Variants in RTKN2 observed in about 807,000 individuals in gnomAD.
The protein encoded by RTKN2 is rhotekin-2.
Under a neutral mutation model 71.5 loss-of-function variants are expected in RTKN2, and 69 were observed. The ratio of observed to expected loss-of-function variants is 0.96; its 90% CI spans 0.79 to 1.18. The LOEUF is 1.18. Among genes scored for constraint, RTKN2 ranks in the 50% most tolerant of loss-of-function variants. The pLI is 0.00. For synonymous variants in RTKN2, 236 were observed against 236.5 expected, an observed-to-expected ratio of 1.00 and a Z score of 0.02; for missense variants, 724 against 719.7, an observed-to-expected ratio of 1.01 and a Z score of -0.07.
chr10:62,218,091 AG>A, intron 8 of RTKN2, 103 bp downstream of exon 8: 1 of 716,392 alleles, frequency 1.4e-6, no homozygotes, highest in Non-Finnish European at 2.3e-6. Context: ...ATTTAAAAAA[AG>A]ACTTAAAAAA....
rs1841338029 is a variant in RTKN2, at chr10:62,196,655, C to T, written c.*1253G>A. On this transcript the variant is annotated 3_prime_UTR_variant, in exon 12 of 12. Transcript: ENST00000373789. ...TTATACACAGGGCAGCAATTTAATT[C>T]TTAAATTTTTATTTCTTGCAATGAC... The T allele has an allele frequency of 2.0e-6, 2 of 984,598 alleles. No homozygotes were observed. The highest frequency in any genetic ancestry group is 1.2e-6 in the Non-Finnish European group (1 of 829,362). The allele number at this position is 984,598 out of a possible 1,614,324, so 61.0% of individuals were successfully genotyped here.
At chr10:62,184,413 A>G (rs1488740557) in intron 8 of RTKN2, 15 of 1,342,794 alleles carry the variant, frequency 1.1e-5, no homozygotes, top group Non-Finnish European at 1.6e-5. Flanking sequence ...AATCACCTTT[A>G]GTCACCCACA....
At chr10:62,211,924 A>T (rs2132858112) in intron 9 of RTKN2, among the ~76,000 whole-genome samples, 1 of 152,230 alleles carries the variant, frequency 6.6e-6, no homozygotes, top group East Asian at 1.9e-4. Flanking sequence ...CTGACCTCCC[A>T]AAGTGCTGGG....
Position 62,199,848 on chromosome 10 carries a change from G to C in RTKN2, c.1200C>G (p.His400Gln), listed in dbSNP as rs773342377. 11 of 1,610,642 alleles carry C rather than the reference G, an allele frequency of 6.8e-6. No homozygotes were observed. The South Asian group carries it at 1.2e-4, about 18-fold the overall frequency. Reference protein sequence around the residue: ...QHFFDLSQWKHCCEELMKIEI... With the variant: ...QHFFDLSQWKQCCEELMKIEI... ...CAATTTTCATAAGTTCTTCACAACA[G>C]TGCTTCCATTGGCCTAAGACAGACA... Residue 400 changes from histidine (H) to glutamine (Q), a missense_variant, in exon 11 of 12, where the codon CAC (histidine) becomes CAG (glutamine). His to Gln is a conservative substitution (Grantham distance 24). Coordinates refer to ENST00000373789, the MANE Select transcript of RTKN2 (RefSeq NM_145307.4).
At chr10:62,205,056 G>A (rs764763816) in intron 9 of RTKN2, 34 bp from the exon 10 acceptor site, 73 of 1,538,562 alleles carry the variant, frequency 4.7e-5, no homozygotes, top group Non-Finnish European at 5.9e-5. Context: ...GGTTTTGCAT[G>A]AGAAAATTTC....
chr10:62,250,427 C>T (rs974496100), intron 2 of RTKN2, among the ~76,000 whole-genome samples: 1 of 152,142 alleles, frequency 6.6e-6, no homozygotes, highest in Non-Finnish European at 1.5e-5. Context: ...AATTAACCAA[C>T]CAGCATCCCA....
chr10:62,206,567 C>T (rs1841553354), intron 9 of RTKN2, among the ~76,000 whole-genome samples: 1 of 152,018 alleles, frequency 6.6e-6, no homozygotes, highest in South Asian at 2.1e-4. Flanking sequence ...AACTTTGAAC[C>T]TTTAGAGTAT....
intron 11 of RTKN2, among the ~76,000 whole-genome samples, chr10:62,199,112 T>C (rs992006156): frequency 3.3e-5 from 5 of 152,220 alleles, no homozygotes; most frequent in African/African-American, 4.8e-5. Flanking sequence ...TGAACCCAAA[T>C]GTATCATTTT....
intron 2 of RTKN2, among the ~76,000 whole-genome samples, chr10:62,251,113 T>C (rs1842572880): frequency 6.6e-6 from 1 of 152,212 alleles, no homozygotes; most frequent in Non-Finnish European, 1.5e-5. Flanking sequence ...ACAGTGCTTG[T>C]GCTCAAGGTC....
intron 1 of RTKN2, among the ~76,000 whole-genome samples, chr10:62,264,765 G>T (rs750833290): frequency 6.6e-6 from 1 of 152,096 alleles, no homozygotes; most frequent in Admixed American, 6.5e-5. Flanking sequence ...AGAGAGGAAG[G>T]GCCTTATAGA....
chr10:62,240,776 T>C (rs1842357426), intron 4 of RTKN2, among the ~76,000 whole-genome samples: 1 of 152,174 alleles, frequency 6.6e-6, no homozygotes. Context: ...CCTGAAGTAA[T>C]GAAATAAGGC....
downstream of RTKN2, among the ~76,000 whole-genome samples, chr10:62,190,658 T>G (rs1841207368): frequency 6.6e-6 from 1 of 152,068 alleles, no homozygotes; most frequent in South Asian, 2.1e-4. Flanking sequence ...TGTTTAATGT[T>G]AATAAGGAAG....
At position 62,209,386 on chromosome 10, in the gene RTKN2, GGTGT is replaced by G. The variant is rs67801429; in HGVS notation, c.1021-4368_1021-4365del. Reference sequence around the variant, plus strand: ...TTTCTTCAGCAAATAAATTGTCTATGGTGTGTGTGTGTGTGTGTTTGAAGTGGGG... The same window carrying G: ...TTTCTTCAGCAAATAAATTGTCTATGGTGTGTGTGTGTGTTTGAAGTGGGG... On this transcript the variant is annotated intron_variant, in intron 9 of 11. Transcript: ENST00000373789. 2.3e-4 allele frequency among the ~76,000 whole-genome samples: 34 copies of G among 151,052 alleles called. 1 individual carries two copies. In the South Asian group the frequency reaches 6.1e-3, roughly 27 times the overall value.
intron 4 of RTKN2, among the ~76,000 whole-genome samples, chr10:62,240,881 G>C (rs1175372259): frequency 6.6e-6 from 1 of 151,918 alleles, no homozygotes; most frequent in Non-Finnish European, 1.5e-5. Flanking sequence ...CCCTTCCCCC[G>C]TTCCCACTCT....
At chr10:62,256,303 G>A (rs896003277) in intron 2 of RTKN2, among the ~76,000 whole-genome samples, 4 of 152,138 alleles carry the variant, frequency 2.6e-5, no homozygotes, top group South Asian at 2.1e-4. Context: ...GATTACAGGC[G>A]TGAGCCACCA....
chr10:62,251,523 A>G (rs1842581793), intron 2 of RTKN2, among the ~76,000 whole-genome samples: 1 of 152,140 alleles, frequency 6.6e-6, no homozygotes, highest in Non-Finnish European at 1.5e-5. Flanking sequence ...AAAATCCTAC[A>G]TATTTCATTA....
At chr10:62,262,287 G>C (rs1222062204) in intron 2 of RTKN2, among the ~76,000 whole-genome samples, 2 of 152,090 alleles carry the variant, frequency 1.3e-5, no homozygotes, top group African/African-American at 2.4e-5. Context: ...CTCACAGCTA[G>C]TACCTTTATA....
chr10:62,216,152 C>T (rs10740063), intron 9 of RTKN2, among the ~76,000 whole-genome samples: 115,003 of 151,520 alleles, frequency 0.76, 43,716 homozygotes, highest in East Asian at 0.9. Flanking sequence ...CTTTATAGAT[C>T]AGTAGACTGG....
At chr10:62,185,003 G>A (rs959540538) in intron 8 of RTKN2, among the ~76,000 whole-genome samples, 1 of 152,050 alleles carries the variant, frequency 6.6e-6, no homozygotes, top group Admixed American at 6.6e-5. Flanking sequence ...TCACTCCAGG[G>A]CCCCTGCCAT....
Sources: allele counts gnomAD v4.1 joint callset (sites outside exome capture counted in the v4.1 genomes callset), GRCh38; gene constraint gnomAD v4.1.1; transcripts MANE v1.5; gene names NCBI Gene and HGNC (gene_info 2026-07-23, HGNC 2026-07-21).